BBS9: variants seen among roughly 807,000 people sequenced by gnomAD.
BBS9 encodes the protein protein PTHB1.
A neutral mutation model predicts 117.7 loss-of-function variants in BBS9; 89 were observed. That is an observed-to-expected ratio of 0.76 (90% CI 0.64 to 0.90). BBS9 has a LOEUF of 0.90. Among genes scored for constraint, BBS9 ranks in the 40% least tolerant of loss-of-function variants. The probability of loss-of-function intolerance (pLI) is 0.00; values close to 1 mark genes in which losing one functional copy is unlikely to be tolerated. For missense variants in BBS9, 982 were observed against 1,042.2 expected, an observed-to-expected ratio of 0.94 and a Z score of 0.80; for synonymous variants, 379 against 370.9, an observed-to-expected ratio of 1.02 and a Z score of -0.25.
intron 4 of BBS9, 58 bp from the exon 5 acceptor site, chr7:33,177,419 CA>C (rs1797482677): frequency 2.6e-6 from 3 of 1,154,574 alleles, no homozygotes; most frequent in Non-Finnish European, 3.9e-6. Flanking sequence ...TGGATGAGAA[CA>C]AATTAATGTT....
intron 19 of BBS9, among the ~76,000 whole-genome samples, chr7:33,476,015 A>G (rs1301792035): frequency 6.6e-6 from 1 of 152,218 alleles, no homozygotes; most frequent in Non-Finnish European, 1.5e-5. Context: ...TAAGTAAAAT[A>G]TCCTATCAGG....
intron 21 of BBS9, among the ~76,000 whole-genome samples, chr7:33,598,892 A>G (rs1863353409): frequency 6.6e-6 from 1 of 152,242 alleles, no homozygotes; most frequent in Non-Finnish European, 1.5e-5. Context: ...AGGGTTGCCA[A>G]ACTACTTATG....
At chr7:33,179,882 A>T (rs1312064323) in intron 5 of BBS9, among the ~76,000 whole-genome samples, 2 of 152,100 alleles carry the variant, frequency 1.3e-5, no homozygotes, top group Middle Eastern at 3.2e-3. Flanking sequence ...TGAGTTCTCA[A>T]TTTCTCTTCA....
chr7:33,274,749 C>T (rs546656782), intron 9 of BBS9, among the ~76,000 whole-genome samples: 2 of 152,238 alleles, frequency 1.3e-5, no homozygotes, highest in South Asian at 2.1e-4. Flanking sequence ...AATCCCAGCT[C>T]TTTGGGAGGC....
In BBS9 at chr7:33,630,151, A is replaced by G. The variant is rs185931245; in HGVS notation, c.2522-5026A>G. Among the ~76,000 whole-genome samples, 470 of 152,338 alleles carry G rather than the reference A, an allele frequency of 3.1e-3. 2 individuals are homozygous for G. Among genetic ancestry groups the G allele is most frequent in the African/African-American group, 0.01 (429 of 41,580 alleles). On this transcript the variant is annotated intron_variant, in intron 21 of 21. Coordinates refer to the BBS9 transcript ENST00000671952. Reference sequence around the variant, plus strand: ...TAATTACGTCTAAAAATCCCTTGTCAAATAATGATTAAAACACACAGAAAC... The same window carrying G: ...TAATTACGTCTAAAAATCCCTTGTCGAATAATGATTAAAACACACAGAAAC...
At chr7:33,357,204 CTGTCTAAA>C (rs1819753666) in intron 15 of BBS9, among the ~76,000 whole-genome samples, 3 of 151,854 alleles carry the variant, frequency 2.0e-5, no homozygotes, top group South Asian at 4.1e-4. Flanking sequence ...AATTGAATGA[CTGTCTAAA>C]TGTCTAAAAT....
chr7:33,173,938 A>G (rs1173212101), intron 4 of BBS9, among the ~76,000 whole-genome samples: 3 of 152,256 alleles, frequency 2.0e-5, no homozygotes, highest in African/African-American at 7.2e-5. Context: ...GGTAGAACAC[A>G]GAAATTTCTG....
At chr7:33,505,753 G>T in intron 20 of BBS9, 108 bp downstream of exon 20, 2 of 1,206,064 alleles carry the variant, frequency 1.7e-6, no homozygotes, top group Non-Finnish European at 2.3e-6. Context: ...ATAAGGGTTT[G>T]ATTTTTTACA....
chr7:33,560,220 A>C (rs972958815), intron 21 of BBS9, among the ~76,000 whole-genome samples: 2 of 152,166 alleles, frequency 1.3e-5, no homozygotes, highest in Non-Finnish European at 2.9e-5. Flanking sequence ...GGGTATATGT[A>C]GTATATCTCT....
rs190743543 is a variant in BBS9, at chr7:33,335,560, A to G, written c.1017-881A>G. 7.9e-5 allele frequency among the ~76,000 whole-genome samples: 12 copies of G among 152,316 alleles called. No homozygotes were observed. In the East Asian group the frequency reaches 2.3e-3, roughly 29 times the overall value. ...TAGGGAGGAAGCAAATACAGTATTC[A>G]TCTCAGCTACTTTTTATGACATGTT... On this transcript the variant is annotated intron_variant, in intron 9 of 22. Coordinates refer to ENST00000242067, the MANE Select transcript of BBS9 (RefSeq NM_198428.3).
chr7:33,319,545 A>G (rs574829946), intron 9 of BBS9, among the ~76,000 whole-genome samples: 1 of 152,260 alleles, frequency 6.6e-6, no homozygotes, highest in Non-Finnish European at 1.5e-5. Flanking sequence ...CACCCCGTAT[A>G]TGCCAACATC....
chr7:33,401,191 T>C (rs1828858996), intron 19 of BBS9, among the ~76,000 whole-genome samples: 1 of 152,240 alleles, frequency 6.6e-6, no homozygotes, highest in African/African-American at 2.4e-5. Flanking sequence ...TCTTTTTCAG[T>C]TGATTCCCAG....
intron 21 of BBS9, among the ~76,000 whole-genome samples, chr7:33,561,446 C>G (rs556237786): frequency 6.6e-6 from 1 of 152,172 alleles, no homozygotes; most frequent in Admixed American, 6.5e-5. Context: ...CTCTTTTCCT[C>G]TAGCCTTTCC....
chr7:33,386,592 G>A (rs1216194521), intron 18 of BBS9, among the ~76,000 whole-genome samples: 4 of 151,882 alleles, frequency 2.6e-5, no homozygotes, highest in Admixed American at 6.6e-5. Context: ...CTGGGTTCAC[G>A]CCATTCTCCT....
At chr7:33,177,214 A>G (rs1034299366) in intron 4 of BBS9, among the ~76,000 whole-genome samples, 2 of 152,186 alleles carry the variant, frequency 1.3e-5, no homozygotes, top group Non-Finnish European at 2.9e-5. Context: ...TTACTCAGAT[A>G]TAATCTGTCT....
chr7:33,630,844 ATC>A (rs1865860208), intron 21 of BBS9, among the ~76,000 whole-genome samples: 1 of 152,014 alleles, frequency 6.6e-6, no homozygotes, highest in Non-Finnish European at 1.5e-5. Flanking sequence ...TCAGACATTC[ATC>A]TCATAAATAT....
intron 5 of BBS9, among the ~76,000 whole-genome samples, chr7:33,222,773 C>T (rs1166219276): frequency 6.6e-6 from 1 of 151,520 alleles, no homozygotes; most frequent in East Asian, 1.9e-4. Flanking sequence ...ATTGGTTAAA[C>T]CCCCGTGTCT....
intron 21 of BBS9, among the ~76,000 whole-genome samples, chr7:33,588,466 C>T (rs1042505120): frequency 2.4e-4 from 36 of 152,104 alleles, no homozygotes; most frequent in African/African-American, 8.4e-4. Flanking sequence ...AACTAAATAT[C>T]GTGTGCCTGT....
intron 9 of BBS9, among the ~76,000 whole-genome samples, chr7:33,301,892 C>A (rs1414382896): frequency 6.6e-6 from 1 of 152,110 alleles, no homozygotes; most frequent in Non-Finnish European, 1.5e-5. Context: ...ACATTTCCAC[C>A]AACAATGTAT....
Sources: allele counts gnomAD v4.1 joint callset (sites outside exome capture counted in the v4.1 genomes callset), GRCh38; gene constraint gnomAD v4.1.1; transcripts MANE v1.5; gene names NCBI Gene and HGNC (gene_info 2026-07-23, HGNC 2026-07-21).